The following PANK2 variants were observed in gnomAD, a reference collection of about 807,000 sequenced individuals.
PANK2 encodes pantothenate kinase 2, mitochondrial.
Under a neutral mutation model 43.1 loss-of-function variants are expected in PANK2, and 36 were observed. The ratio of observed to expected loss-of-function variants is 0.84; its 90% CI spans 0.64 to 1.10. PANK2 has a LOEUF of 1.10. Among genes scored for constraint, PANK2 ranks in the 50% least tolerant of loss-of-function variants. The pLI is 0.00. For synonymous variants in PANK2, 281 were observed against 238.2 expected (o/e 1.18, Z -1.66); for missense variants, 576 against 593.3 (o/e 0.97, Z 0.30).
chr20:3,892,339 TCAAAAAAAAAA>T (rs1408665419), intron 1 of PANK2, among the ~76,000 whole-genome samples: 8 of 47,390 alleles, frequency 1.7e-4, no homozygotes, highest in Non-Finnish European at 4.1e-4. Flanking sequence ...GTGAGACTCC[TCAAAAAAAAAA>T]CAAAAAAAAA....
intron 1 of PANK2, among the ~76,000 whole-genome samples, chr20:3,897,799 G>A (rs1435988935): frequency 1.1e-4 from 17 of 152,110 alleles, no homozygotes; most frequent in Admixed American, 9.8e-4. Flanking sequence ...TTGAGGTTAC[G>A]AGTTCAAGAC....
intron 1 of PANK2, among the ~76,000 whole-genome samples, chr20:3,904,901 C>T (rs1250606282): frequency 2.0e-5 from 3 of 152,146 alleles, no homozygotes; most frequent in African/African-American, 7.2e-5. Context: ...TGTTCTTCTG[C>T]CAGTGGATTC....
intron 1 of PANK2, among the ~76,000 whole-genome samples, chr20:3,899,543 CTCTT>C (rs1185059757): frequency 2.7e-5 from 4 of 149,514 alleles, no homozygotes; most frequent in Non-Finnish European, 5.9e-5. Flanking sequence ...TATTAAAATT[CTCTT>C]TCTACCATAA....
At chr20:3,890,416 A>G (rs1470702429) in intron 1 of PANK2, among the ~76,000 whole-genome samples, 2 of 152,176 alleles carry the variant, frequency 1.3e-5, no homozygotes, top group Non-Finnish European at 1.5e-5. Context: ...TGGGAGTTGC[A>G]TACGCTCCTC....
In PANK2 at chr20:3,929,174, AGT is replaced by A. The variant is rs1277219831; in HGVS notation, c.*5886_*5887del. Reference sequence around the variant, plus strand: ...CCGACCAGAAGCATTTTCTTTTCAAAGTGTGTGCACAGAGTGAGGAGGCCAGC... The same window carrying A: ...CCGACCAGAAGCATTTTCTTTTCAAAGTGTGCACAGAGTGAGGAGGCCAGC... On this transcript the variant is annotated 3_prime_UTR_variant, in exon 7 of 7. Coordinates refer to ENST00000610179, the MANE Select transcript of PANK2 (RefSeq NM_001386393.1). The A allele has an allele frequency of 6.6e-6, 1 of 152,196 alleles. No individual in the cohort carries two copies. The highest frequency in any genetic ancestry group is 1.5e-5 in the Non-Finnish European group (1 of 68,068). The allele number at this position is 152,196 out of a possible 1,614,324, so 9.4% of individuals were successfully genotyped here. A position where few individuals can be genotyped will look rare whatever the true frequency, so the allele number is the denominator to read the frequency against.
At position 3,917,033 on chromosome 20, in the gene PANK2, A is replaced by C. The variant is rs146902739; in HGVS notation, c.1189A>C (p.Met397Leu). The C allele has an allele frequency of 8.9e-5, 143 of 1,613,926 alleles. No homozygotes were observed. The highest frequency in any genetic ancestry group is 1.2e-4 in the Non-Finnish European group (136 of 1,179,966). Residue 397 changes from methionine to leucine, a missense_variant, in exon 5 of 7, where the codon ATG (methionine) becomes CTG (leucine). This residue lies in a region of PANK2 where 544 missense variants were observed against 528.9 expected (regional missense o/e 1.03). Transcript: ENST00000610179. Reference sequence around the variant, plus strand: ...CAACAACATTGGCTCAATAGCAAGAATGTGTGCCCTTAATGAAGTAAGGGG... The same window carrying C: ...CAACAACATTGGCTCAATAGCAAGACTGTGTGCCCTTAATGAAGTAAGGGG...
chr20:3,918,018 A>C (rs1208236652), intron 5 of PANK2, among the ~76,000 whole-genome samples: 1 of 152,224 alleles, frequency 6.6e-6, no homozygotes, highest in African/African-American at 2.4e-5. Context: ...ATTTTTAAGC[A>C]TGAAGTTATT....
At chr20:3,922,406 C>T (rs1464710379) in intron 6 of PANK2, among the ~76,000 whole-genome samples, 3 of 152,204 alleles carry the variant, frequency 2.0e-5, no homozygotes, top group Non-Finnish European at 4.4e-5. Context: ...CAGTGCTTGT[C>T]GTCTCTCAGC....
intron 1 of PANK2, among the ~76,000 whole-genome samples, chr20:3,904,207 G>C (rs577285831): frequency 6.6e-6 from 1 of 152,190 alleles, no homozygotes; most frequent in African/African-American, 2.4e-5. Flanking sequence ...TAAATATGTA[G>C]TAGTTTGTCC....
intron 1 of PANK2, among the ~76,000 whole-genome samples, chr20:3,905,494 C>T (rs1349209466): frequency 4.6e-5 from 7 of 151,594 alleles, no homozygotes; most frequent in African/African-American, 1.5e-4. Flanking sequence ...CTACAGGCGC[C>T]CGCCACCACG....
intron 4 of PANK2, among the ~76,000 whole-genome samples, chr20:3,913,506 G>T (rs1366446260): frequency 6.6e-6 from 1 of 151,854 alleles, no homozygotes; most frequent in South Asian, 2.1e-4. Flanking sequence ...ACCAAGCCTG[G>T]CTAATTTTGT....
intron 2 of PANK2, 44 bp from the exon 3 acceptor site, chr20:3,910,533 G>A (rs1471786376): frequency 6.2e-7 from 1 of 1,612,322 alleles, no homozygotes; most frequent in South Asian, 1.1e-5. Context: ...TTTTGTTTCT[G>A]TTGGCTTATT....
chr20:3,926,940 CAA>C lies in PANK2; in HGVS notation c.*3666_*3667del, dbSNP rs11471571. On this transcript the variant is annotated 3_prime_UTR_variant, in exon 7 of 7. Coordinates refer to ENST00000610179, the MANE Select transcript of PANK2 (RefSeq NM_001386393.1). Reference sequence around the variant, plus strand: ...AGCCTGGGTGACAGCAAGACTGTCTCAAAAAAAAAAAAAAAAAAAAATCCGCT... The same window carrying C: ...AGCCTGGGTGACAGCAAGACTGTCTCAAAAAAAAAAAAAAAAAAATCCGCT... 5.1e-4 allele frequency: 55 copies of C among 108,416 alleles called. No homozygotes were observed. Among genetic ancestry groups the C allele is most frequent in the South Asian group, 3.2e-3 (10 of 3,130 alleles). The allele number at this position is 108,416 out of a possible 1,614,324, so 6.7% of individuals were successfully genotyped here.
Position 3,889,445 on chromosome 20 carries a change from C to G in PANK2, c.15C>G (p.Leu5=), listed in dbSNP as rs1305601522. 1.9e-6 allele frequency: 3 copies of G among 1,551,716 alleles called. No homozygotes were observed. The highest frequency in any genetic ancestry group is 2.7e-5 in the African/African-American group (2 of 73,488). ...GGAATCCGACGCTGGGGGGCTTGCT[C>G]GGGCGGCAGCGACTGCTGCTGCGGA... The change falls in exon 1 of 7, where the codon CTC becomes CTG. Residue 5 remains leucine (L), a synonymous_variant. Coordinates refer to ENST00000610179, the MANE Select transcript of PANK2 (RefSeq NM_001386393.1).
intron 1 of PANK2, among the ~76,000 whole-genome samples, chr20:3,904,762 A>C (rs887132808): frequency 6.6e-6 from 1 of 151,976 alleles, no homozygotes; most frequent in Non-Finnish European, 1.5e-5. Flanking sequence ...TTTACCTCTG[A>C]GAATATTTTT....
chr20:3,918,858 A>G (rs942305326), intron 6 of PANK2, 62 bp downstream of exon 6: 19 of 1,612,332 alleles, frequency 1.2e-5, no homozygotes, highest in Admixed American at 3.3e-5. Flanking sequence ...TCACACTGTC[A>G]TGGAACTTGA....
At chr20:3,900,446 A>G (rs530653035) in intron 1 of PANK2, among the ~76,000 whole-genome samples, 1 of 151,882 alleles carries the variant, frequency 6.6e-6, no homozygotes, top group South Asian at 2.1e-4. Context: ...TCTAGTATTC[A>G]TCTCTAGTGA....
At chr20:3,895,429 G>A (rs1322114840) in intron 1 of PANK2, among the ~76,000 whole-genome samples, 1 of 151,202 alleles carries the variant, frequency 6.6e-6, no homozygotes, top group Non-Finnish European at 1.5e-5. Context: ...GTTGCACTGA[G>A]CTATGATCAT....
At chr20:3,908,388 G>C in intron 2 of PANK2, 110 bp downstream of exon 2, 1 of 1,104,076 alleles carries the variant, frequency 9.1e-7, no homozygotes, top group Non-Finnish European at 1.3e-6. Flanking sequence ...GAATTTTCTT[G>C]AGTCAAATGA....
Sources: gnomAD v4.1 joint callset for allele counts (sites outside exome capture counted in the v4.1 genomes callset) on GRCh38, gnomAD v4.1.1 for gene constraint, gnomAD v4.1.1 regional missense constraint, MANE v1.5 for transcripts, NCBI Gene and HGNC (gene_info 2026-07-23, HGNC 2026-07-21) for gene names.